The following TG variants were observed in gnomAD, a reference collection of about 807,000 sequenced individuals.
TG encodes the protein thyroid hormones.
TG carries 270 observed loss-of-function variants against 324.7 expected under a neutral mutation model. That is an observed-to-expected ratio of 0.83 (90% confidence interval 0.75 to 0.92). TG has a LOEUF of 0.92. TG is among the 40% of genes least tolerant of loss of function. The pLI is 0.00. For synonymous variants in TG, 1,401 were observed against 1,327.0 expected (o/e 1.06, Z -1.21); for missense variants, 3,591 against 3,456.4 (o/e 1.04, Z -0.98).
At chr8:132,905,794 A>C (rs1190015169) in intron 16 of TG, among the ~76,000 whole-genome samples, 2 of 152,196 alleles carry the variant, frequency 1.3e-5, no homozygotes, top group East Asian at 3.9e-4. Flanking sequence ...GAATTCAAAA[A>C]AAAGAAGACC....
intron 25 of TG, among the ~76,000 whole-genome samples, chr8:132,936,651 G>A (rs1030910672): frequency 3.9e-5 from 6 of 152,310 alleles, no homozygotes; most frequent in African/African-American, 1.2e-4. Context: ...CCTCTGGGCC[G>A]CTGCTGGCAC....
intron 5 of TG, among the ~76,000 whole-genome samples, chr8:132,876,371 G>A (rs1279107041): frequency 6.6e-6 from 1 of 152,158 alleles, no homozygotes; most frequent in Admixed American, 6.5e-5. Context: ...ATGGATTCTT[G>A]AGGATAAATT....
intron 41 of TG, among the ~76,000 whole-genome samples, chr8:133,078,490 C>T (rs1323862948): frequency 6.6e-6 from 1 of 152,234 alleles, no homozygotes; most frequent in African/African-American, 2.4e-5. Context: ...GTGATTCACA[C>T]ACCTTTTTCT....
rs764379836 is a variant in TG, at chr8:132,967,992, C to T, written c.5863+22C>T. ...AAAGGTGAGCACTTGGAGAGATCTG[C>T]ATAAACTGTATTTCCAATGTTCTGC... On this transcript the variant is annotated intron_variant, in intron 31 of 47. Transcript: ENST00000220616. 3.7e-6 allele frequency: 6 copies of T among 1,611,628 alleles called. No homozygotes were observed. In the Admixed American group the frequency reaches 6.7e-5, roughly 18 times the overall value.
Position 132,887,275 on chromosome 8 carries a change from G to T in TG, c.1903G>T (p.Glu635Ter). 6.2e-7 allele frequency: 1 copy of T among 1,600,512 alleles called. No homozygotes were observed. The highest frequency in any genetic ancestry group is 1.1e-5 in the South Asian group (1 of 89,140). Residue 635 changes from glutamate (E) to a stop codon, truncating the protein, a stop_gained, in exon 9 of 48, where the codon GAG becomes TAG. Transcript: ENST00000220616. LOFTEE classifies it high-confidence loss of function. ...SYEDVQCFSG[E>*]CWCVNSWGKE... Reference sequence around the variant, plus strand: ...TGAGGATGTCCAATGCTTTTCCGGAGAGTGCTGGTGTGTGAATTCCTGGGG... The same window carrying T: ...TGAGGATGTCCAATGCTTTTCCGGATAGTGCTGGTGTGTGAATTCCTGGGG...
chr8:132,927,563 T>C (rs905071060), intron 22 of TG, among the ~76,000 whole-genome samples: 10 of 152,266 alleles, frequency 6.6e-5, no homozygotes, highest in African/African-American at 2.4e-4. Flanking sequence ...GACTCCATTG[T>C]CATAATTCAT....
intron 41 of TG, chr8:133,060,319 G>A (rs188358693): frequency 6.4e-5 from 100 of 1,558,008 alleles, no homozygotes; most frequent in Admixed American, 1.8e-4. Flanking sequence ...CTTGAAAGGC[G>A]GCTGTTTATA....
At chr8:132,923,579 G>T in intron 22 of TG, 71 bp downstream of exon 22, 1 of 1,528,760 alleles carries the variant, frequency 6.5e-7, no homozygotes, top group Non-Finnish European at 8.8e-7. Context: ...TTTTTAGAAA[G>T]GGAGAGAAGC....
intron 25 of TG, among the ~76,000 whole-genome samples, chr8:132,939,678 T>TTGTC (rs1033701073): frequency 4.0e-5 from 6 of 149,114 alleles, no homozygotes; most frequent in African/African-American, 1.5e-4. Flanking sequence ...TTTTTTTTGT[T>TTGTC]TGTTTGTTTG....
At chr8:133,062,525 G>A (rs529824103) in intron 41 of TG, among the ~76,000 whole-genome samples, 18 of 152,382 alleles carry the variant, frequency 1.2e-4, no homozygotes, top group South Asian at 1.0e-3. Flanking sequence ...TCCCACCCAC[G>A]TAGTGGGAGT....
chr8:133,032,303 C>G (rs1836712990), intron 41 of TG, among the ~76,000 whole-genome samples: 1 of 152,200 alleles, frequency 6.6e-6, no homozygotes, highest in Non-Finnish European at 1.5e-5. Context: ...GAATTGAGCA[C>G]AAACATCTTT....
chr8:132,935,696 T>TTTGTTGGATTGAATTATAAAGTA, intron 24 of TG, 60 bp from the exon 25 acceptor site: 1 of 1,463,304 alleles, frequency 6.8e-7, no homozygotes, highest in Non-Finnish European at 9.5e-7. Context: ...TGGATGAATG[T>TTTGTTGGATTGAATTATAAAGTA]TTGTTGGATT....
chr8:132,949,727 T>C (rs1284085584), intron 27 of TG, among the ~76,000 whole-genome samples: 3 of 152,200 alleles, frequency 2.0e-5, no homozygotes, highest in African/African-American at 7.2e-5. Context: ...TCTTGGAAGC[T>C]CTTTTCTACA....
chr8:133,007,442 T>C (rs1834118613), intron 35 of TG, among the ~76,000 whole-genome samples: 1 of 152,102 alleles, frequency 6.6e-6, no homozygotes, highest in Non-Finnish European at 1.5e-5. Context: ...TTGGGCCAGA[T>C]ATTGTTACAC....
chr8:133,085,430 G>A (rs972395152), intron 41 of TG, among the ~76,000 whole-genome samples: 3 of 152,062 alleles, frequency 2.0e-5, no homozygotes, highest in Admixed American at 6.5e-5. Flanking sequence ...CCACATAATG[G>A]GAGAAAATAT....
chr8:132,898,702 C>A, intron 13 of TG, 96 bp from the exon 14 acceptor site: 1 of 1,021,756 alleles, frequency 9.8e-7, no homozygotes, highest in Non-Finnish European at 1.5e-6. Context: ...TGCATTCACC[C>A]AGGCTCATGA....
intron 46 of TG, among the ~76,000 whole-genome samples, chr8:133,132,181 C>G (rs748426867): frequency 6.6e-6 from 1 of 152,204 alleles, no homozygotes; most frequent in Admixed American, 6.5e-5. Flanking sequence ...TTTGATGACT[C>G]TAGATCGGGG....
chr8:133,038,697 C>A, intron 41 of TG: 1 of 1,614,090 alleles, frequency 6.2e-7, no homozygotes, highest in South Asian at 1.1e-5. Flanking sequence ...GACTCGTCTA[C>A]CCCAAGCGGG....
chr8:133,023,615 C>T (rs1349505371), intron 40 of TG, among the ~76,000 whole-genome samples: 4 of 152,184 alleles, frequency 2.6e-5, no homozygotes, highest in African/African-American at 9.7e-5. Flanking sequence ...TGTGTGAACA[C>T]AAGACTGACC....
Sources: gnomAD v4.1 joint callset for allele counts (sites outside exome capture counted in the v4.1 genomes callset) on GRCh38, gnomAD v4.1.1 for gene constraint, MANE v1.5 for transcripts, NCBI Gene and HGNC (gene_info 2026-07-23, HGNC 2026-07-21) for gene names.